The following PTPRM variants were observed in gnomAD, a reference collection of about 807,000 sequenced individuals.
PTPRM encodes protein tyrosine phosphatase receptor type M.
Under a neutral mutation model 186.7 loss-of-function variants are expected in PTPRM, and 47 were observed. The observed-to-expected ratio is 0.25, with a 90% confidence interval of 0.20 to 0.32. The LOEUF (loss-of-function observed/expected upper bound fraction) is 0.32, where lower values mean the gene tolerates loss of function less well. Ranked by LOEUF, PTPRM falls within the 10% of genes least tolerant of loss-of-function variation. The probability of loss-of-function intolerance (pLI) is 1.00; values close to 1 mark genes in which losing one functional copy is unlikely to be tolerated. For missense variants in PTPRM, 1,494 were observed against 1,865.0 expected (o/e 0.80, Z 3.66); for synonymous variants, 668 against 674.9 (o/e 0.99, Z 0.16).
intron 20 of PTPRM, among the ~76,000 whole-genome samples, chr18:8,306,376 C>T (rs1379635418): frequency 6.6e-6 from 1 of 152,164 alleles, no homozygotes; most frequent in Non-Finnish European, 1.5e-5. Context: ...GTAGAGCCAG[C>T]ATCAAATCAT....
chr18:7,874,753 A>G (rs188756784), intron 2 of PTPRM, among the ~76,000 whole-genome samples: 1 of 152,366 alleles, frequency 6.6e-6, no homozygotes, highest in Non-Finnish European at 1.5e-5. Context: ...ATATGTGTAT[A>G]AATCTGTTTC....
intron 23 of PTPRM, among the ~76,000 whole-genome samples, chr18:8,369,588 T>A (rs374075587): frequency 6.6e-6 from 1 of 152,054 alleles, no homozygotes; most frequent in African/African-American, 2.4e-5. Context: ...GGCAAAGAAT[T>A]CTCTTTTAGA....
chr18:7,584,711 G>A (rs2036932427), intron 1 of PTPRM, among the ~76,000 whole-genome samples: 1 of 152,206 alleles, frequency 6.6e-6, no homozygotes, highest in Non-Finnish European at 1.5e-5. Flanking sequence ...ATGGCTGGAA[G>A]AATATTCAAG....
intron 1 of PTPRM, among the ~76,000 whole-genome samples, chr18:7,609,338 TA>T (rs1311487790): frequency 3.9e-5 from 6 of 152,120 alleles, no homozygotes; most frequent in African/African-American, 1.4e-4. Context: ...ATGACCTGCA[TA>T]GGGGGACAGC....
chr18:8,045,382 T>C (rs780379814), intron 7 of PTPRM, among the ~76,000 whole-genome samples: 2 of 152,122 alleles, frequency 1.3e-5, no homozygotes, highest in Non-Finnish European at 2.9e-5. Context: ...ACAGCAACAT[T>C]TGTCATAATG....
intron 2 of PTPRM, among the ~76,000 whole-genome samples, chr18:7,845,823 G>A (rs1261390378): frequency 1.3e-5 from 2 of 152,060 alleles, no homozygotes; most frequent in African/African-American, 2.4e-5. Flanking sequence ...CAACTCCAAG[G>A]TGCAGATTAG....
At chr18:8,361,243 T>C (rs888305981) in intron 23 of PTPRM, among the ~76,000 whole-genome samples, 4 of 152,198 alleles carry the variant, frequency 2.6e-5, no homozygotes, top group African/African-American at 9.6e-5. Flanking sequence ...CTCAGAGGCA[T>C]TTAGCCCTGA....
chr18:8,281,086 G>C (rs2094898293), intron 19 of PTPRM, among the ~76,000 whole-genome samples: 1 of 152,184 alleles, frequency 6.6e-6, no homozygotes, highest in Admixed American at 6.6e-5. Context: ...GCTTTGCAAA[G>C]GAAGTGAAGG....
intron 19 of PTPRM, among the ~76,000 whole-genome samples, chr18:8,266,298 T>A (rs572037843): frequency 1.8e-4 from 27 of 149,610 alleles, no homozygotes; most frequent in Non-Finnish European, 3.8e-4. Flanking sequence ...CAACCCCGCT[T>A]GGGTCCCCTT....
chr18:7,680,833 T>A (rs750403336), intron 1 of PTPRM, among the ~76,000 whole-genome samples: 3 of 152,234 alleles, frequency 2.0e-5, no homozygotes, highest in Admixed American at 2.0e-4. Context: ...GGGCTAAGTG[T>A]GGGCTATGGG....
At chr18:7,884,947 AAAAAGG>A (rs1413453025) in intron 2 of PTPRM, among the ~76,000 whole-genome samples, 6 of 150,532 alleles carry the variant, frequency 4.0e-5, no homozygotes, top group Non-Finnish European at 7.4e-5. Flanking sequence ...AAAAAAAAAA[AAAAAGG>A]AGAGAGAGAA....
At chr18:8,260,007 G>A (rs1002704111) in intron 19 of PTPRM, among the ~76,000 whole-genome samples, 5 of 152,096 alleles carry the variant, frequency 3.3e-5, no homozygotes, top group Non-Finnish European at 7.4e-5. Context: ...TCTGTTTAAT[G>A]TGGCTACAAC....
At chr18:8,338,038 A>G (rs1388944332) in intron 22 of PTPRM, among the ~76,000 whole-genome samples, 1 of 152,116 alleles carries the variant, frequency 6.6e-6, no homozygotes, top group Non-Finnish European at 1.5e-5. Context: ...GTATTCATCC[A>G]CTTGGTAAAT....
chr18:8,163,824 A>T (rs1474322389), intron 14 of PTPRM, among the ~76,000 whole-genome samples: 1 of 152,228 alleles, frequency 6.6e-6, no homozygotes, highest in Non-Finnish European at 1.5e-5. Flanking sequence ...TTTAAATACC[A>T]TGTGTTCTAT....
At chr18:7,825,642 A>G (rs769208418) in intron 2 of PTPRM, among the ~76,000 whole-genome samples, 4 of 152,138 alleles carry the variant, frequency 2.6e-5, no homozygotes, top group African/African-American at 4.8e-5. Flanking sequence ...ATGGGCTGGC[A>G]GCTCATTATG....
chr18:8,282,320 G>A (rs2094912403), intron 19 of PTPRM, among the ~76,000 whole-genome samples: 1 of 152,208 alleles, frequency 6.6e-6, no homozygotes, highest in Non-Finnish European at 1.5e-5. Flanking sequence ...TGCTGCTGGA[G>A]TGTGAACTGG....
chr18:7,876,802 TCTAA>T (rs1320611209), intron 2 of PTPRM, among the ~76,000 whole-genome samples: 2 of 152,212 alleles, frequency 1.3e-5, no homozygotes, highest in Non-Finnish European at 2.9e-5. Flanking sequence ...CCTGAAGTTA[TCTAA>T]CTAATGTGCT....
At chr18:8,083,577 C>G (rs939778926) in intron 9 of PTPRM, among the ~76,000 whole-genome samples, 6 of 152,132 alleles carry the variant, frequency 3.9e-5, no homozygotes, top group Non-Finnish European at 7.4e-5. Flanking sequence ...TTCCATGGAA[C>G]TTGGTGTTTT....
chr18:7,667,684 A>T (rs2039127398), intron 1 of PTPRM, among the ~76,000 whole-genome samples: 1 of 152,218 alleles, frequency 6.6e-6, no homozygotes, highest in Non-Finnish European at 1.5e-5. Flanking sequence ...GCTCTTGTTA[A>T]CCTAAAGAGA....
Sources: gnomAD v4.1 joint callset for allele counts (sites outside exome capture counted in the v4.1 genomes callset) on GRCh38, gnomAD v4.1.1 for gene constraint, MANE v1.5 for transcripts, NCBI Gene and HGNC (gene_info 2026-07-23, HGNC 2026-07-21) for gene names.